Variants in DDAH1 observed in about 807,000 individuals in gnomAD.
The protein encoded by DDAH1 is dimethylarginine dimethylaminohydrolase 1, also known as N(G),N(G)-dimethylarginine dimethylaminohydrolase 1.
DDAH1 carries 19 observed loss-of-function variants against 28.8 expected under a neutral mutation model. The observed-to-expected ratio is 0.66, with a 90% CI of 0.46 to 0.97. The LOEUF is 0.97. DDAH1 is among the 50% of genes least tolerant of loss of function. The pLI is 0.00. For synonymous variants in DDAH1, 153 were observed against 154.4 expected (o/e 0.99, Z 0.07); for missense variants, 326 against 375.9 (o/e 0.87, Z 1.10).
In DDAH1 at chr1:85,558,816, TG is replaced by T. The variant is rs74798036; in HGVS notation, c.-123+19167del. Reference sequence around the variant, plus strand: ...AATACATATTATCTTTATGTCAAAATGGGATCTTGATGTACATAGAATTTTT... The same window carrying T: ...AATACATATTATCTTTATGTCAAAATGGATCTTGATGTACATAGAATTTTT... On this transcript the variant is annotated intron_variant, in intron 1 of 6. Coordinates refer to the DDAH1 transcript ENST00000426972. Among the ~76,000 whole-genome samples, 1,321 of 152,310 alleles carry T rather than the reference TG, an allele frequency of 8.7e-3. 22 individuals are homozygous for T. Among genetic ancestry groups the T allele is most frequent in the East Asian group, 0.055 (285 of 5,192 alleles).
At chr1:85,377,611 G>C (rs959067081) in intron 1 of DDAH1, among the ~76,000 whole-genome samples, 2 of 152,084 alleles carry the variant, frequency 1.3e-5, no homozygotes, top group African/African-American at 4.8e-5. Flanking sequence ...GTATTGATGA[G>C]GAAAATGTAA....
At chr1:85,428,763 G>C (rs1215182480) in intron 1 of DDAH1, among the ~76,000 whole-genome samples, 1 of 152,094 alleles carries the variant, frequency 6.6e-6, no homozygotes, top group African/African-American at 2.4e-5. Flanking sequence ...GACAAAGAAT[G>C]CTGTGCTTTA....
At chr1:85,524,849 T>G (rs1426283482) in intron 1 of DDAH1, among the ~76,000 whole-genome samples, 1 of 147,538 alleles carries the variant, frequency 6.8e-6, no homozygotes, top group Non-Finnish European at 1.5e-5. Context: ...AGGAAATCAG[T>G]GATGCATAGT....
chr1:85,344,558 CCCTTCCCTCCCTTCAT>C (rs72384632), intron 4 of DDAH1, among the ~76,000 whole-genome samples: 24,660 of 151,348 alleles, frequency 0.16, 2,234 homozygotes, highest in Admixed American at 0.22. Context: ...CTCCCTCTCT[CCCTTCCCTCCCTTCAT>C]CCTTCCCTCC....
upstream of DDAH1, among the ~76,000 whole-genome samples, chr1:85,466,440 G>A (rs180791480): frequency 5.8e-4 from 88 of 152,216 alleles, no homozygotes; most frequent in Admixed American, 1.2e-3. Context: ...GCAGAGACAG[G>A]GTTTCACCAT....
chr1:85,532,965 T>A (rs1464100834), intron 1 of DDAH1, among the ~76,000 whole-genome samples: 1 of 152,210 alleles, frequency 6.6e-6, no homozygotes, highest in Admixed American at 6.5e-5. Flanking sequence ...AAAAGGAAGT[T>A]TTTTTGGAAG....
At chr1:85,478,173 T>C (rs2168199) in intron 2 of DDAH1, among the ~76,000 whole-genome samples, 47,904 of 152,110 alleles carry the variant, frequency 0.31, 8,987 homozygotes, top group South Asian at 0.44. Context: ...AAGAATATTA[T>C]ATAGAAAAAT....
intron 1 of DDAH1, among the ~76,000 whole-genome samples, chr1:85,362,297 G>C (rs1649837713): frequency 1.3e-5 from 2 of 152,082 alleles, no homozygotes; most frequent in South Asian, 4.1e-4. Flanking sequence ...ACTACATAAG[G>C]TGGGAAGTGG....
At chr1:85,524,103 GA>G (rs1262517735) in intron 1 of DDAH1, among the ~76,000 whole-genome samples, 2 of 149,038 alleles carry the variant, frequency 1.3e-5, no homozygotes, top group African/African-American at 4.9e-5. Flanking sequence ...TCACTGCTGG[GA>G]AAAAAAAACG....
intron 4 of DDAH1, among the ~76,000 whole-genome samples, chr1:85,345,395 C>G (rs1648784463): frequency 6.6e-6 from 1 of 150,932 alleles, no homozygotes; most frequent in East Asian, 1.9e-4. Context: ...GGGAGAAAAA[C>G]TATAGGAAAT....
intron 1 of DDAH1, among the ~76,000 whole-genome samples, chr1:85,504,958 ATTCTTTTTTTTTTTTTT>A (rs1656958730): frequency 1.1e-5 from 1 of 89,300 alleles, no homozygotes; most frequent in African/African-American, 4.7e-5. Flanking sequence ...GCCCTCAATG[ATTCTTTTTTTTTTTTTT>A]TTTTTTTTTT....
intron 1 of DDAH1, among the ~76,000 whole-genome samples, chr1:85,427,156 A>C (rs1653439386): frequency 6.6e-6 from 1 of 152,034 alleles, no homozygotes; most frequent in East Asian, 1.9e-4. Flanking sequence ...GCCTTCACAT[A>C]TAAAAGAGAA....
At chr1:85,351,660 T>A in intron 2 of DDAH1, 81 bp from the exon 3 acceptor site, 2 of 1,049,086 alleles carry the variant, frequency 1.9e-6, no homozygotes, top group Non-Finnish European at 3.0e-6. Context: ...AATAATGACC[T>A]TAAAGCATCA....
chr1:85,421,010 T>C (rs1653118542), intron 1 of DDAH1, among the ~76,000 whole-genome samples: 1 of 152,090 alleles, frequency 6.6e-6, no homozygotes, highest in Non-Finnish European at 1.5e-5. Flanking sequence ...GAACTGGTGC[T>C]TCACAAGAGA....
intron 1 of DDAH1, among the ~76,000 whole-genome samples, chr1:85,381,317 A>G (rs1650975564): frequency 1.3e-5 from 2 of 148,272 alleles, no homozygotes; most frequent in African/African-American, 5.0e-5. Flanking sequence ...ACTTACAAAG[A>G]TTGTCATTAC....
At chr1:85,452,542 A>C (rs180931781) in intron 1 of DDAH1, among the ~76,000 whole-genome samples, 252 of 152,286 alleles carry the variant, frequency 1.7e-3, no homozygotes, top group Middle Eastern at 6.8e-3. Flanking sequence ...AACAAACAAA[A>C]AAAAAACTGG....
At chr1:85,489,267 G>T (rs1416490002) in intron 2 of DDAH1, among the ~76,000 whole-genome samples, 1 of 152,144 alleles carries the variant, frequency 6.6e-6, no homozygotes, top group Non-Finnish European at 1.5e-5. Context: ...AAAATAATAG[G>T]GTGTGTGCTA....
intron 1 of DDAH1, among the ~76,000 whole-genome samples, chr1:85,562,100 T>G (rs1006619263): frequency 6.6e-6 from 1 of 152,098 alleles, no homozygotes; most frequent in Non-Finnish European, 1.5e-5. Context: ...TACTACAATT[T>G]TAAGTTTGAA....
At chr1:85,329,134 C>CA (rs1319050375) in intron 4 of DDAH1, among the ~76,000 whole-genome samples, 2 of 152,336 alleles carry the variant, frequency 1.3e-5, no homozygotes, top group Middle Eastern at 3.4e-3. Flanking sequence ...GACTACAAAG[C>CA]AAAAGCATGG....
Sources: allele counts gnomAD v4.1 joint callset (sites outside exome capture counted in the v4.1 genomes callset), GRCh38; gene constraint gnomAD v4.1.1; transcripts MANE v1.5; gene names NCBI Gene and HGNC (gene_info 2026-07-23, HGNC 2026-07-21).